The following RIMS2 variants were observed in gnomAD, a reference collection of about 807,000 sequenced individuals.
The protein encoded by RIMS2 is regulating synaptic membrane exocytosis protein 2.
RIMS2 carries 59 observed loss-of-function variants against 174.4 expected under a neutral mutation model. The ratio of observed to expected loss-of-function variants is 0.34; its 90% CI spans 0.27 to 0.42. RIMS2 has a LOEUF of 0.42. RIMS2 is among the 10% of genes least tolerant of loss of function. The pLI is 1.00. For synonymous variants in RIMS2, 606 were observed against 572.5 expected (o/e 1.06, Z -0.84); for missense variants, 1,620 against 1,666.3 (o/e 0.97, Z 0.48).
At chr8:104,174,046 A>C (rs1382190444) in intron 19 of RIMS2, among the ~76,000 whole-genome samples, 1 of 151,774 alleles carries the variant, frequency 6.6e-6, no homozygotes, top group East Asian at 1.9e-4. Context: ...TCCTTGGTTC[A>C]AGCAATTCTC....
intron 13 of RIMS2, among the ~76,000 whole-genome samples, chr8:103,937,833 G>A (rs2081612746): frequency 6.6e-6 from 1 of 152,134 alleles, no homozygotes; most frequent in African/African-American, 2.4e-5. Context: ...GATTTATCTG[G>A]TCGATAATAG....
At chr8:103,769,464 C>T (rs2098222932) in intron 3 of RIMS2, among the ~76,000 whole-genome samples, 1 of 152,126 alleles carries the variant, frequency 6.6e-6, no homozygotes. Context: ...GATGGGATTA[C>T]AGGCACCCAC....
chr8:103,618,048 G>A (rs2095546871), intron 1 of RIMS2, among the ~76,000 whole-genome samples: 1 of 152,094 alleles, frequency 6.6e-6, no homozygotes, highest in African/African-American at 2.4e-5. Flanking sequence ...AATGTTCATT[G>A]TAGCATTGTT....
At chr8:103,886,401 A>C (rs747646838) in intron 4 of RIMS2, among the ~76,000 whole-genome samples, 178 bp downstream of exon 7, 9 of 151,936 alleles carry the variant, frequency 5.9e-5, no homozygotes, top group African/African-American at 2.2e-4. Context: ...TCTGTTGTTC[A>C]TGTATAAGAA....
chr8:103,510,008 A>C (rs1825694490), intron 1 of RIMS2, among the ~76,000 whole-genome samples: 1 of 152,204 alleles, frequency 6.6e-6, no homozygotes, highest in Non-Finnish European at 1.5e-5. Flanking sequence ...ATACTTTGAT[A>C]GGTTCTGCTA....
intron 1 of RIMS2, among the ~76,000 whole-genome samples, chr8:103,517,952 A>G (rs1367050763): frequency 6.6e-6 from 1 of 151,692 alleles, no homozygotes; most frequent in Admixed American, 6.6e-5. Context: ...AAATCTCATC[A>G]TATTTTAAGG....
intron 19 of RIMS2, among the ~76,000 whole-genome samples, chr8:104,166,715 C>T (rs978004621): frequency 6.6e-6 from 1 of 151,400 alleles, no homozygotes; most frequent in African/African-American, 2.4e-5. Context: ...TAGAGTTACA[C>T]AGTTTTATAT....
rs922889667 is a variant in RIMS2 at position 103,509,257 on chromosome 8, A to G, written c.176+8195A>G. Reference sequence around the variant, plus strand: ...CTTAATAGCTTATAAAATTTTTTCTACTGGGTATATTCACACCATGTAATC... The same window carrying G: ...CTTAATAGCTTATAAAATTTTTTCTGCTGGGTATATTCACACCATGTAATC... On this transcript the variant is annotated intron_variant, in intron 1 of 23. Transcript: ENST00000504942. 3.9e-5 allele frequency among the ~76,000 whole-genome samples: 6 copies of G among 152,078 alleles called. No homozygotes were observed. The East Asian group carries it at 5.8e-4, about 15-fold the overall frequency.
chr8:103,769,463 A>G (rs1269489451), intron 3 of RIMS2, among the ~76,000 whole-genome samples: 2 of 152,240 alleles, frequency 1.3e-5, no homozygotes, highest in South Asian at 2.1e-4. Context: ...AGATGGGATT[A>G]CAGGCACCCA....
rs146375174 is a variant in RIMS2 at position 103,667,997 on chromosome 8, T to C, written c.177-29089T>C. On this transcript the variant is annotated intron_variant, in intron 1 of 23. Transcript: ENST00000504942. ...TTAGATCACCTGGGTTTGATTGTCC[T>C]CTGTTGGGGGACCATGACAAACTTT... is the stretch of plus-strand genomic sequence containing the variant. Among the ~76,000 whole-genome samples the C allele has an allele frequency of 3.1e-3, 467 of 152,312 alleles. 2 individuals are homozygous for C. The highest frequency in any genetic ancestry group is 9.5e-3 in the African/African-American group (396 of 41,568).
intron 3 of RIMS2, among the ~76,000 whole-genome samples, chr8:103,795,518 A>G (rs1380498358): frequency 6.6e-6 from 1 of 152,212 alleles, no homozygotes; most frequent in South Asian, 2.1e-4. Context: ...AACATGGCAC[A>G]TGTGTACATG....
chr8:104,080,492 A>T (rs1055661110), intron 19 of RIMS2, among the ~76,000 whole-genome samples: 2 of 152,020 alleles, frequency 1.3e-5, no homozygotes, highest in African/African-American at 4.8e-5. Context: ...TTTTTAATGA[A>T]CTTGTGCCAT....
At chr8:103,905,724 G>C (rs916976933) in intron 4 of RIMS2, among the ~76,000 whole-genome samples, 10 of 146,856 alleles carry the variant, frequency 6.8e-5, no homozygotes, top group Middle Eastern at 3.4e-3. Flanking sequence ...ATGAGTGTTA[G>C]ACTTTTTGCT....
intron 19 of RIMS2, among the ~76,000 whole-genome samples, chr8:104,024,570 T>C (rs1357697698): frequency 6.6e-6 from 1 of 152,198 alleles, no homozygotes; most frequent in African/African-American, 2.4e-5. Flanking sequence ...GTTGTTGTTT[T>C]TAGACATTAG....
At chr8:104,215,968 C>A (rs973592664) in intron 19 of RIMS2, among the ~76,000 whole-genome samples, 2 of 152,172 alleles carry the variant, frequency 1.3e-5, no homozygotes, top group Admixed American at 1.3e-4. Context: ...TTTCTGCCTA[C>A]CAAACATCCT....
intron 10 of RIMS2, among the ~76,000 whole-genome samples, chr8:103,924,587 G>T (rs1356399270): frequency 6.6e-6 from 1 of 151,374 alleles, no homozygotes. Flanking sequence ...TTTGCTTTTG[G>T]TTAGTTTTTA....
intron 3 of RIMS2, among the ~76,000 whole-genome samples, chr8:103,834,175 A>T (rs928130693): frequency 1.4e-4 from 22 of 151,956 alleles, no homozygotes; most frequent in Non-Finnish European, 5.9e-5. Context: ...TTTTTAAAAA[A>T]TTTTTTGTAG....
At chr8:104,072,063 A>C (rs1044037611) in intron 19 of RIMS2, among the ~76,000 whole-genome samples, 1 of 152,162 alleles carries the variant, frequency 6.6e-6, no homozygotes, top group Non-Finnish European at 1.5e-5. Flanking sequence ...TCTTAAGTAC[A>C]ACTTTTTAAG....
chr8:103,778,765 C>G lies in RIMS2; in HGVS notation c.698+12228C>G, dbSNP rs771953836. Among the ~76,000 whole-genome samples, 3 of 152,068 alleles carry G rather than the reference C, an allele frequency of 2.0e-5. No homozygotes were observed. The East Asian group carries it at 5.8e-4, about 29-fold the overall frequency. On this transcript the variant is annotated intron_variant, in intron 3 of 23. Transcript: ENST00000504942. ...TAATTTCATTTCTTTTGGATGTATA[C>G]TCAGTAGTGCAGTTGCTGGATCATA... is the stretch of plus-strand genomic sequence containing the variant.
Sources: allele counts gnomAD v4.1 joint callset (sites outside exome capture counted in the v4.1 genomes callset), GRCh38; gene constraint gnomAD v4.1.1; transcripts MANE v1.5; gene names NCBI Gene and HGNC (gene_info 2026-07-23, HGNC 2026-07-21).